The following XKR9 variants were observed in gnomAD, a reference collection of about 807,000 sequenced individuals.
XKR9 encodes XK-related protein 9.
A neutral mutation model predicts 32.0 loss-of-function variants in XKR9; 32 were observed. The observed-to-expected ratio is 1.00, with a 90% CI of 0.76 to 1.34. XKR9 has a LOEUF of 1.34. XKR9 is among the 40% of genes most tolerant of loss of function. The pLI, the probability that XKR9 is intolerant of heterozygous loss-of-function variation, is 0.00. For synonymous variants in XKR9, 168 were observed against 143.4 expected (o/e 1.17, Z -1.22); for missense variants, 546 against 429.7 (o/e 1.27, Z -2.39).
the XKR9 span, among the ~76,000 whole-genome samples, chr8:70,806,193 AAAAC>A: frequency 1.3e-5 from 2 of 152,230 alleles, no homozygotes; most frequent in South Asian, 2.1e-4. Context: ...CATTGAAAGA[AAAAC>A]AAACAAAAAG....
At chr8:71,038,040 A>G in the XKR9 span, among the ~76,000 whole-genome samples, 29 of 152,318 alleles carry the variant, frequency 1.9e-4, 1 homozygote, top group Middle Eastern at 6.8e-3. Context: ...GCAGGTGTGT[A>G]TTTAGTACAG....
At chr8:70,810,902 A>G in the XKR9 span, among the ~76,000 whole-genome samples, 2 of 152,306 alleles carry the variant, frequency 1.3e-5, no homozygotes, top group Admixed American at 6.5e-5. Context: ...GTTAACAAGG[A>G]TATCCAGGAA....
At chr8:70,886,379 G>A in the XKR9 span, among the ~76,000 whole-genome samples, 2 of 152,198 alleles carry the variant, frequency 1.3e-5, no homozygotes, top group African/African-American at 4.8e-5. Context: ...ATAGTAGAAT[G>A]ATTTATAATC....
the XKR9 span, among the ~76,000 whole-genome samples, chr8:70,875,977 C>T: frequency 2.0e-5 from 3 of 151,960 alleles, no homozygotes; most frequent in Admixed American, 1.3e-4. Context: ...AAGCCAGGCA[C>T]ATAAACACAT....
At chr8:70,786,955 G>T (rs972087005) in intron 2 of XKR9, among the ~76,000 whole-genome samples, 2 of 151,912 alleles carry the variant, frequency 1.3e-5, no homozygotes, top group African/African-American at 4.8e-5. Context: ...TTGGTTTGTG[G>T]TTACCAAAAT....
At chr8:70,843,704 CTCTTACAA>C in the XKR9 span, among the ~76,000 whole-genome samples, 1 of 152,092 alleles carries the variant, frequency 6.6e-6, no homozygotes, top group South Asian at 2.1e-4. Context: ...CCACTGTGGA[CTCTTACAA>C]TCTTACCCAT....
chr8:71,049,905 A>G, the XKR9 span, among the ~76,000 whole-genome samples: 2 of 152,244 alleles, frequency 1.3e-5, no homozygotes, highest in African/African-American at 4.8e-5. Context: ...TTTTATTAAA[A>G]TGATATAAAA....
At chr8:70,727,492 C>G (rs2048471851) in intron 4 of XKR9, among the ~76,000 whole-genome samples, 1 of 152,014 alleles carries the variant, frequency 6.6e-6, no homozygotes, top group African/African-American at 2.4e-5. Flanking sequence ...CCTCCGCCTC[C>G]CGGATTCAGT....
At chr8:70,857,437 C>A in the XKR9 span, among the ~76,000 whole-genome samples, 18 of 152,298 alleles carry the variant, frequency 1.2e-4, no homozygotes, top group Admixed American at 5.9e-4. Context: ...GAAGTTGAAT[C>A]TGAATAGACC....
the XKR9 span, among the ~76,000 whole-genome samples, chr8:71,033,244 A>G: frequency 6.6e-6 from 1 of 152,216 alleles, no homozygotes; most frequent in Admixed American, 6.5e-5. Flanking sequence ...CAGTGTGATC[A>G]TGGACAAATG....
the XKR9 span, among the ~76,000 whole-genome samples, chr8:70,937,845 G>C: frequency 1.3e-5 from 2 of 152,024 alleles, no homozygotes; most frequent in Non-Finnish European, 2.9e-5. Flanking sequence ...GGCCTTTCCA[G>C]TGGGATCTCT....
At chr8:70,909,868 C>T in the XKR9 span, among the ~76,000 whole-genome samples, 1 of 151,746 alleles carries the variant, frequency 6.6e-6, no homozygotes, top group East Asian at 2.0e-4. Flanking sequence ...GCCACCATGC[C>T]TGGCTAATTT....
At chr8:70,995,543 A>G in the XKR9 span, among the ~76,000 whole-genome samples, 1 of 152,028 alleles carries the variant, frequency 6.6e-6, no homozygotes, top group Non-Finnish European at 1.5e-5. Flanking sequence ...ACCTTGAAGA[A>G]CCCTCTTTTG....
At chr8:70,985,735 T>C in the XKR9 span, among the ~76,000 whole-genome samples, 1 of 152,000 alleles carries the variant, frequency 6.6e-6, no homozygotes, top group African/African-American at 2.4e-5. Flanking sequence ...GAATTAAAAA[T>C]AAAAACAAGA....
chr8:70,802,754 T>G, the XKR9 span, among the ~76,000 whole-genome samples: 1 of 152,252 alleles, frequency 6.6e-6, no homozygotes, highest in Non-Finnish European at 1.5e-5. Flanking sequence ...TTTGGTTGGA[T>G]AAGAAATTCT....
intron 2 of XKR9, among the ~76,000 whole-genome samples, chr8:70,741,961 TTC>T (rs1345346505): frequency 8.3e-6 from 1 of 121,040 alleles, no homozygotes; most frequent in African/African-American, 3.0e-5. Flanking sequence ...ACGTGTTGTA[TTC>T]TGTTTTTTTT....
chr8:71,000,669 T>C, the XKR9 span, among the ~76,000 whole-genome samples: 1 of 152,212 alleles, frequency 6.6e-6, no homozygotes, highest in African/African-American at 2.4e-5. Context: ...GATTGCACTT[T>C]GCAGCCCTAA....
chr8:70,951,868 G>GC, the XKR9 span, among the ~76,000 whole-genome samples: 4 of 28,444 alleles, frequency 1.4e-4, no homozygotes, highest in African/African-American at 2.9e-4. Flanking sequence ...TAGCATCATT[G>GC]GGGGGGGGGT....
chr8:70,998,673 T>C, the XKR9 span, among the ~76,000 whole-genome samples: 2 of 152,178 alleles, frequency 1.3e-5, no homozygotes, highest in African/African-American at 4.8e-5. Context: ...CAATACAGAT[T>C]CCTAAACTCC....
Sources: gnomAD v4.1 joint callset for allele counts (sites outside exome capture counted in the v4.1 genomes callset) on GRCh38, gnomAD v4.1.1 for gene constraint, MANE v1.5 for transcripts, NCBI Gene and HGNC (gene_info 2026-07-23, HGNC 2026-07-21) for gene names.